TCF7L1: variants seen among roughly 807,000 people sequenced by gnomAD.
TCF7L1 encodes the protein transcription factor 7-like 1.
Under a neutral mutation model 63.7 loss-of-function variants are expected in TCF7L1, and 18 were observed. That is an observed-to-expected ratio of 0.28 (90% CI 0.20 to 0.42). The LOEUF (loss-of-function observed/expected upper bound fraction) is 0.42. Among genes scored for constraint, TCF7L1 ranks in the 10% least tolerant of loss-of-function variants. The pLI, the probability that TCF7L1 is intolerant of heterozygous loss-of-function variation, is 1.00. For synonymous variants in TCF7L1, 355 were observed against 340.9 expected (o/e 1.04, Z -0.46); for missense variants, 654 against 779.3 (o/e 0.84, Z 1.91).
chr2:85,144,717 C>CTG (rs1383351841), intron 3 of TCF7L1, among the ~76,000 whole-genome samples: 1,189 of 98,712 alleles, frequency 0.012, 6 homozygotes, highest in Non-Finnish European at 0.023. Context: ...CTCTCTCTCT[C>CTG]TCTGTGTGTG....
Position 85,160,901 on chromosome 2 carries a change from GCA to G in TCF7L1, c.441+26452_441+26453del, listed in dbSNP as rs111495444. On this transcript the variant is annotated intron_variant, in intron 3 of 11. Coordinates refer to ENST00000282111, the MANE Select transcript of TCF7L1 (RefSeq NM_031283.3). Reference sequence around the variant, plus strand: ...TTAGTTTTGTTCCAGAAGATCATTTGCAATCATCAATGAGAACCCGCACATCA... The same window carrying G: ...TTAGTTTTGTTCCAGAAGATCATTTGATCATCAATGAGAACCCGCACATCA... Among the ~76,000 whole-genome samples, 803 of 152,298 alleles carry G rather than the reference GCA, an allele frequency of 5.3e-3. 5 individuals are homozygous for G. Among genetic ancestry groups the G allele is most frequent in the African/African-American group, 0.018 (768 of 41,552 alleles).
At chr2:85,267,221 C>T (rs1573017126) in intron 3 of TCF7L1, among the ~76,000 whole-genome samples, 1 of 150,206 alleles carries the variant, frequency 6.7e-6, no homozygotes, top group African/African-American at 2.5e-5. Flanking sequence ...ATTCCAGCTA[C>T]TTGGGAGGCT....
At chr2:85,148,143 C>T (rs1378000019) in intron 3 of TCF7L1, among the ~76,000 whole-genome samples, 1 of 152,046 alleles carries the variant, frequency 6.6e-6, no homozygotes, top group East Asian at 1.9e-4. Context: ...GGTGCTGAAG[C>T]TTTGGAGTGG....
chr2:85,183,607 A>G (rs943611158), intron 3 of TCF7L1, among the ~76,000 whole-genome samples: 38 of 152,124 alleles, frequency 2.5e-4, no homozygotes, highest in Admixed American at 6.5e-5. Flanking sequence ...AGCATGTCAT[A>G]TATAGTTCAG....
chr2:85,207,827 C>T (rs1245534477), intron 3 of TCF7L1, among the ~76,000 whole-genome samples: 1 of 152,114 alleles, frequency 6.6e-6, no homozygotes, highest in South Asian at 2.1e-4. Context: ...TTTTGCCCAA[C>T]TGTAGGCTAA....
intron 3 of TCF7L1, among the ~76,000 whole-genome samples, chr2:85,209,560 C>T (rs1679496676): frequency 6.6e-6 from 1 of 152,170 alleles, no homozygotes; most frequent in Non-Finnish European, 1.5e-5. Context: ...AGAGGATGCT[C>T]AGGAACTTCA....
chr2:85,215,767 T>TGGGGG (rs1380022989), intron 3 of TCF7L1, among the ~76,000 whole-genome samples: 1 of 15,292 alleles, frequency 6.5e-5, no homozygotes, highest in Admixed American at 8.4e-4. Flanking sequence ...GGGGTGGGGG[T>TGGGGG]GGGGGGGGGT....
chr2:85,173,654 T>C (rs1678605137), intron 3 of TCF7L1, among the ~76,000 whole-genome samples: 1 of 152,092 alleles, frequency 6.6e-6, no homozygotes, highest in Non-Finnish European at 1.5e-5. Flanking sequence ...TCCTGAGCAG[T>C]TGGAACTATA....
chr2:85,255,946 T>C (rs1289654906), intron 3 of TCF7L1, among the ~76,000 whole-genome samples: 2 of 152,102 alleles, frequency 1.3e-5, no homozygotes, highest in Non-Finnish European at 2.9e-5. Context: ...CCGGGGATGA[T>C]TGTCTGAGTT....
intron 3 of TCF7L1, among the ~76,000 whole-genome samples, chr2:85,243,698 G>A (rs1680393406): frequency 6.6e-6 from 1 of 152,224 alleles, no homozygotes; most frequent in Admixed American, 6.5e-5. Context: ...TTCTGAGTGG[G>A]CAGGATTCTG....
chr2:85,260,152 T>C (rs1304546190), intron 3 of TCF7L1, among the ~76,000 whole-genome samples: 1 of 152,186 alleles, frequency 6.6e-6, no homozygotes, highest in Non-Finnish European at 1.5e-5. Context: ...CACTGCTTCA[T>C]CCACAATGTT....
At chr2:85,153,678 C>G (rs1678076261) in intron 3 of TCF7L1, among the ~76,000 whole-genome samples, 1 of 152,132 alleles carries the variant, frequency 6.6e-6, no homozygotes. Flanking sequence ...TGCACTATTC[C>G]TAGGACACTA....
chr2:85,153,340 A>ATATTTTTT (rs750002994), intron 3 of TCF7L1, among the ~76,000 whole-genome samples: 69 of 102,262 alleles, frequency 6.7e-4, no homozygotes, highest in African/African-American at 2.8e-3. Flanking sequence ...GCCTTTATAA[A>ATATTTTTT]TTTTTTTTTT....
chr2:85,162,177 G>A (rs527672548), intron 3 of TCF7L1, among the ~76,000 whole-genome samples: 1 of 152,246 alleles, frequency 6.6e-6, no homozygotes, highest in East Asian at 1.9e-4. Flanking sequence ...TGAGGCTGCA[G>A]TGAAGTATGA....
At chr2:85,224,657 T>G (rs1311691162) in intron 3 of TCF7L1, among the ~76,000 whole-genome samples, 3 of 152,260 alleles carry the variant, frequency 2.0e-5, no homozygotes, top group Non-Finnish European at 2.9e-5. Flanking sequence ...TAAATTTGTT[T>G]AAGTTCTTTG....
At chr2:85,239,029 C>A (rs1424516902) in intron 3 of TCF7L1, among the ~76,000 whole-genome samples, 2 of 151,822 alleles carry the variant, frequency 1.3e-5, no homozygotes, top group East Asian at 3.9e-4. Flanking sequence ...ATCATGTTGG[C>A]CAAACTGGTA....
intron 3 of TCF7L1, among the ~76,000 whole-genome samples, chr2:85,197,224 G>A (rs145978999): frequency 3.6e-4 from 55 of 152,260 alleles, no homozygotes; most frequent in African/African-American, 1.1e-3. Context: ...CAGCCTGGCC[G>A]ACACGGTGAA....
intron 3 of TCF7L1, among the ~76,000 whole-genome samples, chr2:85,267,096 T>G (rs553854080): frequency 6.6e-6 from 1 of 152,308 alleles, no homozygotes; most frequent in South Asian, 2.1e-4. Flanking sequence ...ATCCCACCAC[T>G]TTGGGAGGCC....
At position 85,138,843 on chromosome 2, in the gene TCF7L1, C is replaced by T. The variant is rs115902692; in HGVS notation, c.441+4393C>T. 5.4e-3 allele frequency among the ~76,000 whole-genome samples: 816 copies of T among 152,206 alleles called. 10 individuals carry two copies. Among genetic ancestry groups the T allele is most frequent in the African/African-American group, 0.019 (776 of 41,534 alleles). ...GTATTCCAGCCTTTACAGTGATGTG[C>T]AGTGTTACTAAAATAATTGGGAAAT... On this transcript the variant is annotated intron_variant, in intron 3 of 11. Transcript: ENST00000282111.
Sources: gnomAD v4.1 joint callset for allele counts (sites outside exome capture counted in the v4.1 genomes callset) on GRCh38, gnomAD v4.1.1 for gene constraint, MANE v1.5 for transcripts, NCBI Gene and HGNC (gene_info 2026-07-23, HGNC 2026-07-21) for gene names.